The following TANK variants were observed in gnomAD, a reference collection of about 807,000 sequenced individuals.
The protein encoded by TANK is TRAF family member associated NFKB activator, also known as TRAF family member-associated NF-kappa-B activator.
In TANK, 15 loss-of-function variants were observed where a neutral mutation model predicts 43.6. That is an observed-to-expected ratio of 0.34 (90% CI 0.23 to 0.53). The LOEUF (loss-of-function observed/expected upper bound fraction) is 0.53. TANK is among the 20% of genes least tolerant of loss of function. The pLI is 0.94. For synonymous variants in TANK, 162 were observed against 178.2 expected (o/e 0.91, Z 0.73); for missense variants, 417 against 498.6 (o/e 0.84, Z 1.56).
At chr2:161,180,004 A>G in intron 2 of TANK, 1 of 1,175,270 alleles carries the variant, frequency 8.5e-7, no homozygotes, top group South Asian at 3.8e-5. Context: ...AAGATTGTGA[A>G]TGTTGTCTTC....
chr2:161,160,386 T>C (rs1684357187), upstream of TANK: 9 of 1,232,462 alleles, frequency 7.3e-6, no homozygotes, highest in South Asian at 2.7e-4. Context: ...GCGCAGGCAC[T>C]GCCCTCTGAA....
At position 161,235,398 on chromosome 2, in the gene TANK, A is replaced by C. The variant is rs1366783142; in HGVS notation, c.1158A>C (p.Thr386=). The change falls in exon 8 of 8, where the codon ACA becomes ACC. Residue 386 remains threonine (T), a synonymous_variant. Coordinates refer to ENST00000392749, the MANE Select transcript of TANK (RefSeq NM_001199135.3). The part of the protein sequence containing the change: ...QDSDSVVLSG[T]DSELHIPRVC... Reference sequence around the variant, plus strand: ...GTGACTCGGTGGTACTAAGTGGCACAGACTCAGAACTGCATATACCTCGAG... The same window carrying C: ...GTGACTCGGTGGTACTAAGTGGCACCGACTCAGAACTGCATATACCTCGAG... 6.2e-7 allele frequency: 1 copy of C among 1,613,532 alleles called. No homozygotes were observed. Among genetic ancestry groups the C allele is most frequent in the Admixed American group, 1.7e-5 (1 of 59,916 alleles).
upstream of TANK, among the ~76,000 whole-genome samples, chr2:161,157,482 T>C (rs1275356205): frequency 6.6e-6 from 1 of 152,150 alleles, no homozygotes; most frequent in African/African-American, 2.4e-5. Context: ...AGTTGGAGAG[T>C]CTGCAATATA....
intron 4 of TANK, among the ~76,000 whole-genome samples, chr2:161,215,960 C>T (rs1016049485): frequency 1.3e-4 from 20 of 152,048 alleles, no homozygotes; most frequent in African/African-American, 4.8e-4. Context: ...TAGCAGTTTC[C>T]ACACATTCTG....
intron 6 of TANK, among the ~76,000 whole-genome samples, chr2:161,230,726 T>G (rs192190648): frequency 6.6e-6 from 1 of 152,312 alleles, no homozygotes; most frequent in Admixed American, 6.5e-5. Context: ...GATGCAAAGC[T>G]TACGGCAGAA....
chr2:161,139,596 G>C (rs1683682067), intron 1 of TANK: 1 of 572,462 alleles, frequency 1.7e-6, no homozygotes, highest in Non-Finnish European at 2.2e-6. Flanking sequence ...ATGATTTATT[G>C]TTGCTCCAAT....
chr2:161,222,926 T>G (rs753494793), intron 4 of TANK: 12 of 152,028 alleles, frequency 7.9e-5, no homozygotes, highest in Admixed American at 2.6e-4. Flanking sequence ...TGAAATCAAG[T>G]CTTTGTCTTA....
chr2:161,145,341 T>G (rs1207267525), intron 1 of TANK, among the ~76,000 whole-genome samples: 1 of 151,744 alleles, frequency 6.6e-6, no homozygotes, highest in Non-Finnish European at 1.5e-5. Flanking sequence ...GTTAATAATG[T>G]TATATGTGAA....
At chr2:161,144,264 G>C (rs1169964520) in intron 1 of TANK, among the ~76,000 whole-genome samples, 1 of 152,086 alleles carries the variant, frequency 6.6e-6, no homozygotes, top group Non-Finnish European at 1.5e-5. Flanking sequence ...ACAGCTCCTG[G>C]ATTCATTGAG....
At position 161,228,730 on chromosome 2, in the gene TANK, C is replaced by T. The variant is rs115495090; in HGVS notation, c.521-2241C>T. 2.8e-3 allele frequency among the ~76,000 whole-genome samples: 420 copies of T among 152,276 alleles called. 2 individuals are homozygous for T. The highest frequency in any genetic ancestry group is 9.6e-3 in the African/African-American group (398 of 41,556). ...TCACTGACTCACCCAGAGCAACCTC[C>T]GGTCCTGCAAATTCCATTCACGGTA... On this transcript the variant is annotated intron_variant, in intron 6 of 7. Transcript: ENST00000392749.
At chr2:161,165,043 T>C (rs1326037331) in intron 1 of TANK, among the ~76,000 whole-genome samples, 1 of 147,414 alleles carries the variant, frequency 6.8e-6, no homozygotes, top group South Asian at 2.1e-4. Context: ...CCAATACTTT[T>C]TTTTTTTTTT....
At chr2:161,160,768 C>T (rs1247305676) in intron 1 of TANK, 1 of 562,152 alleles carries the variant, frequency 1.8e-6, no homozygotes, top group Non-Finnish European at 3.5e-6. Context: ...AAGGGAGGGA[C>T]TCGTCCCGGC....
At chr2:161,156,929 C>T (rs1313958510), upstream of TANK, among the ~76,000 whole-genome samples, 1 of 152,158 alleles carries the variant, frequency 6.6e-6, no homozygotes, top group Admixed American at 6.5e-5. Context: ...GTTCTGTCTG[C>T]CCAACCCCTT....
intron 1 of TANK, among the ~76,000 whole-genome samples, chr2:161,153,458 CAGATGGATCTCTTG>C (rs1684133230): frequency 6.6e-6 from 1 of 151,922 alleles, no homozygotes; most frequent in African/African-American, 2.4e-5. Flanking sequence ...GAAGCAGAGG[CAGATGGATCTCTTG>C]AGCTCAGGAG....
chr2:161,231,077 C>T lies in TANK; in HGVS notation c.627C>T (p.Ile209=). 1 of 1,614,120 alleles carries T rather than the reference C, an allele frequency of 6.2e-7. No individual in the cohort carries two copies. The highest frequency in any genetic ancestry group is 8.5e-7 in the Non-Finnish European group (1 of 1,179,980). The change falls in exon 7 of 8, where the codon ATC becomes ATT. Residue 209 remains isoleucine (I), a synonymous_variant. Coordinates refer to ENST00000392749, the MANE Select transcript of TANK (RefSeq NM_001199135.3). ...ATATAAATAGAGGTGCACCATCCAT[C>T]ACATCTGTCACACCAAGAGGACTGT... ...KDDINRGAPS[I]TSVTPRGLCR...
intron 1 of TANK, chr2:161,138,030 A>G (rs1573932570): frequency 1.9e-6 from 1 of 536,272 alleles, no homozygotes; most frequent in Non-Finnish European, 2.2e-6. Flanking sequence ...TAAAAAGCAC[A>G]TGATAGTGAA....
chr2:161,223,524 C>T (rs1287544972), intron 4 of TANK: 1 of 153,464 alleles, frequency 6.5e-6, no homozygotes, highest in Non-Finnish European at 1.5e-5. Flanking sequence ...ATATATAGGC[C>T]ATTTTTACTG....
At chr2:161,216,152 T>C (rs541609351) in intron 4 of TANK, among the ~76,000 whole-genome samples, 1 of 152,298 alleles carries the variant, frequency 6.6e-6, no homozygotes, top group Non-Finnish European at 1.5e-5. Flanking sequence ...TTACTCATTG[T>C]TATTTCTGCT....
At chr2:161,173,099 C>T (rs1685025031) in intron 1 of TANK, among the ~76,000 whole-genome samples, 1 of 152,146 alleles carries the variant, frequency 6.6e-6, no homozygotes, top group Non-Finnish European at 1.5e-5. Flanking sequence ...ATAACTGAGT[C>T]TGCTGCATGT....
Sources: allele counts gnomAD v4.1 joint callset (sites outside exome capture counted in the v4.1 genomes callset), GRCh38; gene constraint gnomAD v4.1.1; transcripts MANE v1.5; gene names NCBI Gene and HGNC (gene_info 2026-07-23, HGNC 2026-07-21).